Variants in NXPH2 observed in about 807,000 individuals in gnomAD.
NXPH2 encodes the protein neurexophilin 2.
A neutral mutation model predicts 19.8 loss-of-function variants in NXPH2; 5 were observed. That is an observed-to-expected ratio of 0.25 (90% CI 0.13 to 0.53). The LOEUF (loss-of-function observed/expected upper bound fraction) is 0.53, where lower values mean the gene tolerates loss of function less well. Among genes scored for constraint, NXPH2 ranks in the 20% least tolerant of loss-of-function variants. NXPH2 has a pLI of 0.96. For missense variants in NXPH2, 289 were observed against 322.8 expected (o/e 0.90, Z 0.80); for synonymous variants, 154 against 127.4 (o/e 1.21, Z -1.41).
Position 138,684,342 on chromosome 2 carries a change from T to G in NXPH2, c.52-12677A>C, listed in dbSNP as rs536429770. Among the ~76,000 whole-genome samples, 10 of 152,208 alleles carry G rather than the reference T, an allele frequency of 6.6e-5. No homozygotes were observed. In the South Asian group the frequency reaches 1.4e-3, roughly 22 times the overall value. ...AAAGTCAAATAACAAAAAAACCTGA[T>G]TAATATATTTGCCTTATAAATAAAA... On this transcript the variant is annotated intron_variant, in intron 1 of 1. Transcript: ENST00000272641.
At chr2:138,772,063 A>G (rs927738481) in intron 1 of NXPH2, among the ~76,000 whole-genome samples, 6 of 152,104 alleles carry the variant, frequency 3.9e-5, no homozygotes, top group African/African-American at 7.2e-5. Flanking sequence ...GCTTGTCCTC[A>G]TATTCCTACC....
At chr2:138,721,169 C>T (rs1394743670) in intron 1 of NXPH2, among the ~76,000 whole-genome samples, 1 of 152,032 alleles carries the variant, frequency 6.6e-6, no homozygotes, top group Non-Finnish European at 1.5e-5. Context: ...GTGAAACCCC[C>T]ATCTCTACTA....
At chr2:138,718,893 C>A (rs186264071) in intron 1 of NXPH2, among the ~76,000 whole-genome samples, 1 of 151,642 alleles carries the variant, frequency 6.6e-6, no homozygotes, top group Non-Finnish European at 1.5e-5. Flanking sequence ...GTACAGGAGA[C>A]GGGAGACACA....
intron 1 of NXPH2, among the ~76,000 whole-genome samples, chr2:138,688,687 TA>T (rs1487276375): frequency 6.6e-6 from 1 of 152,178 alleles, no homozygotes; most frequent in African/African-American, 2.4e-5. Context: ...ATGACAGCAA[TA>T]AGGATCTTAT....
intron 1 of NXPH2, among the ~76,000 whole-genome samples, chr2:138,775,806 A>AT (rs1294530794): frequency 2.0e-5 from 3 of 152,086 alleles, no homozygotes; most frequent in Non-Finnish European, 2.9e-5. Flanking sequence ...ATTTGGACCA[A>AT]TTTTTTAAAG....
chr2:138,710,162 A>C lies in NXPH2; in HGVS notation c.52-38497T>G, dbSNP rs111726396. Among the ~76,000 whole-genome samples the C allele has an allele frequency of 1.7e-3, 263 of 152,278 alleles. 1 individual carries two copies. Among genetic ancestry groups the C allele is most frequent in the African/African-American group, 6.1e-3 (254 of 41,562 alleles). The stretch of plus-strand genomic sequence containing the variant: ...TATTTCATGTTAGTGGAGTCATACA[A>C]TATTTGTCCTTTTGTGTCTCACTTG... On this transcript the variant is annotated intron_variant, in intron 1 of 1. Transcript: ENST00000272641.
chr2:138,738,533 G>C (rs1174197507), intron 1 of NXPH2, among the ~76,000 whole-genome samples: 1 of 152,142 alleles, frequency 6.6e-6, no homozygotes, highest in Non-Finnish European at 1.5e-5. Flanking sequence ...TAATTCAAAG[G>C]ATTTTCATGG....
chr2:138,767,036 G>C (rs1682102470), intron 1 of NXPH2, among the ~76,000 whole-genome samples: 1 of 152,094 alleles, frequency 6.6e-6, no homozygotes, highest in Admixed American at 6.6e-5. Context: ...AACCTGGCAT[G>C]CTTGCCCACT....
At chr2:138,691,071 G>A (rs1380127136) in intron 1 of NXPH2, among the ~76,000 whole-genome samples, 1 of 152,184 alleles carries the variant, frequency 6.6e-6, no homozygotes, top group Non-Finnish European at 1.5e-5. Context: ...GGAAAGTGTG[G>A]TGAATTCTGA....
chr2:138,752,660 C>T (rs914297517), intron 1 of NXPH2, among the ~76,000 whole-genome samples: 2 of 152,250 alleles, frequency 1.3e-5, no homozygotes, highest in East Asian at 3.9e-4. Context: ...CCTCAGTTCT[C>T]TCCTAAGGTC....
Position 138,689,636 on chromosome 2 carries a change from T to C in NXPH2, c.52-17971A>G, listed in dbSNP as rs181715477. ...ATGAGTGTTCTGGACCTAAATCGCA[T>C]AGGAAAATGCTTCATTTCTCACTGT... On this transcript the variant is annotated intron_variant, in intron 1 of 1. Transcript: ENST00000272641. Among the ~76,000 whole-genome samples the C allele has an allele frequency of 3.9e-3, 590 of 152,290 alleles. 4 individuals are homozygous for C. The highest frequency in any genetic ancestry group is 4.6e-3 in the Non-Finnish European group (311 of 68,028).
chr2:138,758,878 A>G (rs548862176), intron 1 of NXPH2, among the ~76,000 whole-genome samples: 75 of 152,322 alleles, frequency 4.9e-4, no homozygotes, highest in African/African-American at 1.7e-3. Flanking sequence ...TTGAATCTCT[A>G]TATCACAATA....
At chr2:138,710,417 T>C (rs1681088133) in intron 1 of NXPH2, among the ~76,000 whole-genome samples, 1 of 152,156 alleles carries the variant, frequency 6.6e-6, no homozygotes, top group African/African-American at 2.4e-5. Context: ...TTATTTTGGG[T>C]ATATATCCAG....
chr2:138,683,107 G>T (rs1288036233), intron 1 of NXPH2, among the ~76,000 whole-genome samples: 1 of 152,172 alleles, frequency 6.6e-6, no homozygotes, highest in African/African-American at 2.4e-5. Flanking sequence ...TGTGTCCTGA[G>T]TTAAAAATGG....
At chr2:138,682,791 C>T (rs373408459) in intron 1 of NXPH2, among the ~76,000 whole-genome samples, 7 of 152,256 alleles carry the variant, frequency 4.6e-5, no homozygotes, top group African/African-American at 1.7e-4. Context: ...TTAAATATGG[C>T]AATTCTTATT....
Position 138,763,144 on chromosome 2 carries a change from A to C in NXPH2, c.51+17047T>G, listed in dbSNP as rs144610233. 2.7e-4 allele frequency among the ~76,000 whole-genome samples: 41 copies of C among 152,330 alleles called. 1 individual carries two copies. In the East Asian group the frequency reaches 6.7e-3, roughly 25 times the overall value. Reference sequence around the variant, plus strand: ...AGATAGTAAATTAAGTTATACTAAGAAAGTGTCCTTAGCATATAAATATCA... The same window carrying C: ...AGATAGTAAATTAAGTTATACTAAGCAAGTGTCCTTAGCATATAAATATCA... On this transcript the variant is annotated intron_variant, in intron 1 of 1. Transcript: ENST00000272641.
chr2:138,758,603 T>C (rs780775467), intron 1 of NXPH2, among the ~76,000 whole-genome samples: 1 of 152,230 alleles, frequency 6.6e-6, no homozygotes, highest in Admixed American at 6.5e-5. Flanking sequence ...TGATGAAACA[T>C]ACCCTGCTTA....
intron 1 of NXPH2, among the ~76,000 whole-genome samples, chr2:138,748,272 A>T (rs1681772427): frequency 1.3e-5 from 2 of 152,134 alleles, no homozygotes; most frequent in Non-Finnish European, 2.9e-5. Context: ...AGTTACATCT[A>T]TCTCGGTTGA....
chr2:138,745,823 G>T (rs536280139), intron 1 of NXPH2, among the ~76,000 whole-genome samples: 8 of 151,998 alleles, frequency 5.3e-5, no homozygotes, highest in African/African-American at 9.7e-5. Context: ...ATTATAGGGT[G>T]GGGGGAAGAA....
Sources: allele counts gnomAD v4.1 joint callset (sites outside exome capture counted in the v4.1 genomes callset), GRCh38; gene constraint gnomAD v4.1.1; transcripts MANE v1.5; gene names NCBI Gene and HGNC (gene_info 2026-07-23, HGNC 2026-07-21).